Variants in DPP6 observed in about 807,000 individuals in gnomAD.
DPP6 encodes A-type potassium channel modulatory protein DPP6.
Under a neutral mutation model 122.6 loss-of-function variants are expected in DPP6, and 69 were observed. The ratio of observed to expected loss-of-function variants is 0.56; its 90% CI spans 0.46 to 0.69. The LOEUF is 0.69. Among genes scored for constraint, DPP6 ranks in the 30% least tolerant of loss-of-function variants. The probability of loss-of-function intolerance (pLI) is 0.00; values close to 1 mark genes in which losing one functional copy is unlikely to be tolerated. For synonymous variants in DPP6, 418 were observed against 433.1 expected, an observed-to-expected ratio of 0.97 and a Z score of 0.43; for missense variants, 928 against 1,116.9, an observed-to-expected ratio of 0.83 and a Z score of 2.41.
chr7:153,864,547 TC>T, the DPP6 span, among the ~76,000 whole-genome samples: 2 of 151,816 alleles, frequency 1.3e-5, no homozygotes, highest in Non-Finnish European at 2.9e-5. Flanking sequence ...TCCCAGCTAC[TC>T]AGGAGGCTGA....
chr7:154,058,653 G>A (rs2129067771), intron 1 of DPP6: 1 of 149,748 alleles, frequency 6.7e-6, no homozygotes, highest in South Asian at 2.1e-4. Context: ...AAGATCCTTA[G>A]GACCCACCTG....
At chr7:153,939,040 A>AT (rs539278464) in intron 1 of DPP6, among the ~76,000 whole-genome samples, 16 of 152,118 alleles carry the variant, frequency 1.1e-4, no homozygotes, top group East Asian at 1.9e-4. Flanking sequence ...AATAAAATGC[A>AT]TTTTTTTTCT....
At chr7:154,143,880 T>C (rs1795963656) in intron 1 of DPP6, among the ~76,000 whole-genome samples, 1 of 152,172 alleles carries the variant, frequency 6.6e-6, no homozygotes, top group South Asian at 2.1e-4. Flanking sequence ...TGTACATATA[T>C]CTTTGTACAT....
chr7:154,061,497 C>G, intron 1 of DPP6, among the ~76,000 whole-genome samples: 1 of 147,190 alleles, frequency 6.8e-6, no homozygotes. Context: ...AGCAACTGCC[C>G]TGCTAGTACA....
chr7:154,128,502 C>T (rs1325570987), intron 1 of DPP6, among the ~76,000 whole-genome samples: 5 of 152,100 alleles, frequency 3.3e-5, no homozygotes, highest in Non-Finnish European at 7.4e-5. Context: ...CCTGGGTTCA[C>T]GCCATTCTCC....
intron 1 of DPP6, among the ~76,000 whole-genome samples, chr7:154,081,995 CT>C (rs1263423405): frequency 6.6e-6 from 1 of 152,126 alleles, no homozygotes; most frequent in African/African-American, 2.4e-5. Flanking sequence ...CTTGAGTGAC[CT>C]TTCTCTTCAA....
intron 1 of DPP6, among the ~76,000 whole-genome samples, chr7:154,178,558 T>A: frequency 6.6e-6 from 1 of 150,896 alleles, no homozygotes; most frequent in African/African-American, 2.4e-5. Context: ...CCTCTTTGAG[T>A]GCTCTGCAAC....
intron 16 of DPP6, among the ~76,000 whole-genome samples, chr7:154,827,153 C>T (rs537482925): frequency 2.6e-5 from 4 of 151,026 alleles, no homozygotes; most frequent in East Asian, 3.9e-4. Context: ...TCAGATGTTA[C>T]GGGCATATGA....
At chr7:153,884,701 G>T (rs562867827), upstream of DPP6, among the ~76,000 whole-genome samples, 27 of 152,054 alleles carry the variant, frequency 1.8e-4, no homozygotes, top group Non-Finnish European at 3.1e-4. Flanking sequence ...TTTGTCGGCC[G>T]GGCGCAGTGG....
At chr7:154,836,657 T>C (rs1306152548) in intron 16 of DPP6, among the ~76,000 whole-genome samples, 2 of 152,328 alleles carry the variant, frequency 1.3e-5, no homozygotes, top group East Asian at 3.9e-4. Context: ...GAAGAGATTT[T>C]ATTTTAACAA....
At chr7:154,838,891 T>C (rs1045746914) in intron 16 of DPP6, 1 of 152,152 alleles carries the variant, frequency 6.6e-6, no homozygotes, top group Admixed American at 6.5e-5. Context: ...AGAACAAGTG[T>C]TAAGAACAGA....
intron 1 of DPP6, among the ~76,000 whole-genome samples, chr7:153,971,619 G>A (rs1195660190): frequency 1.5e-5 from 2 of 133,750 alleles, no homozygotes; most frequent in African/African-American, 5.3e-5. Flanking sequence ...CCTGGGTTAT[G>A]GAAAATGCCA....
rs1796915892 is a variant in DPP6, at chr7:153,987,585, A to G, written c.51+99851A>G. On this transcript the variant is annotated intron_variant, in intron 1 of 25. Coordinates refer to the DPP6 transcript ENST00000404039. ...TTTTTTTTTTCCCTCAGAAAACTAA[A>G]TGTCAATCTCATTCCATTTCCGTTG... 1.3e-5 allele frequency among the ~76,000 whole-genome samples: 2 copies of G among 152,060 alleles called. 1 individual carries two copies. Among genetic ancestry groups the G allele is most frequent in the South Asian group, 4.1e-4 (2 of 4,820 alleles).
chr7:154,445,889 A>C (rs922020619), intron 1 of DPP6, among the ~76,000 whole-genome samples: 9 of 152,214 alleles, frequency 5.9e-5, no homozygotes, highest in African/African-American at 2.2e-4. Flanking sequence ...GAAAGCTCCA[A>C]GATGACCCTA....
In DPP6 at chr7:153,978,106, C is replaced by A. The variant is rs184334931; in HGVS notation, c.51+90372C>A. Among the ~76,000 whole-genome samples, 1,025 of 152,290 alleles carry A rather than the reference C, an allele frequency of 6.7e-3. 10 individuals carry two copies. The highest frequency in any genetic ancestry group is 0.023 in the African/African-American group (965 of 41,534). On this transcript the variant is annotated intron_variant, in intron 1 of 25. Transcript: ENST00000404039. ...GCTGGGTCAAGTGATATTTCTAGTT[C>A]TAGATCCTTAAGGAACCACCACACT...
chr7:154,518,435 T>A (rs1413325817), intron 3 of DPP6, among the ~76,000 whole-genome samples: 1 of 152,168 alleles, frequency 6.6e-6, no homozygotes, highest in Non-Finnish European at 1.5e-5. Context: ...TTTTGCCGAT[T>A]TTTTTGGCAA....
At chr7:153,990,554 A>G (rs1283196759) in intron 1 of DPP6, among the ~76,000 whole-genome samples, 1 of 152,066 alleles carries the variant, frequency 6.6e-6, no homozygotes, top group Non-Finnish European at 1.5e-5. Flanking sequence ...ACCAGTTCCT[A>G]TTGTTTGGAA....
chr7:154,884,378 C>G (rs1460727246), intron 21 of DPP6: 1 of 149,362 alleles, frequency 6.7e-6, no homozygotes, highest in Non-Finnish European at 1.5e-5. Context: ...ATTACATACA[C>G]CTGCTCATAC....
chr7:154,721,952 G>A (rs2131345683), intron 7 of DPP6, among the ~76,000 whole-genome samples: 1 of 151,108 alleles, frequency 6.6e-6, no homozygotes, highest in South Asian at 2.1e-4. Flanking sequence ...ATCACTTGAG[G>A]CCAGGAGTTC....
Sources: gnomAD v4.1 joint callset for allele counts (sites outside exome capture counted in the v4.1 genomes callset) on GRCh38, gnomAD v4.1.1 for gene constraint, MANE v1.5 for transcripts, NCBI Gene and HGNC (gene_info 2026-07-23, HGNC 2026-07-21) for gene names.